The following SH3YL1 variants were observed in gnomAD, a reference collection of about 807,000 sequenced individuals.
The protein encoded by SH3YL1 is SH3 domain-containing YSC84-like protein 1.
SH3YL1 carries 41 observed loss-of-function variants against 45.8 expected under a neutral mutation model. The observed-to-expected ratio is 0.89, with a 90% CI of 0.70 to 1.16. The LOEUF (loss-of-function observed/expected upper bound fraction) is 1.16, where lower values mean the gene tolerates loss of function less well. Among genes scored for constraint, SH3YL1 ranks in the 50% most tolerant of loss-of-function variants. The probability of loss-of-function intolerance (pLI) is 0.00; values close to 1 mark genes in which losing one functional copy is unlikely to be tolerated. For missense variants in SH3YL1, 389 were observed against 409.6 expected, an observed-to-expected ratio of 0.95 and a Z score of 0.43; for synonymous variants, 152 against 151.4, an observed-to-expected ratio of 1.00 and a Z score of -0.03.
chr2:264,299 T>A (rs1669746837), upstream of SH3YL1: 2 of 341,936 alleles, frequency 5.8e-6, no homozygotes, highest in African/African-American at 2.1e-5. Context: ...AAGGCCGCCC[T>A]GGTCCGGCGT....
intron 7 of SH3YL1, chr2:230,673 A>T: frequency 3.4e-6 from 1 of 293,518 alleles, no homozygotes; most frequent in Non-Finnish European, 6.5e-6. Flanking sequence ...TGCCCAGCTA[A>T]TGTTTCTATT....
At position 218,970 on chromosome 2, in the gene SH3YL1, C is replaced by T. The variant is rs1319610599; in HGVS notation, c.870G>A (p.Ala290=). The change falls in exon 10 of 10, where the codon GCG becomes GCA. Residue 290 remains alanine (A), a synonymous_variant. Coordinates refer to ENST00000356150, the MANE Select transcript of SH3YL1 (RefSeq NM_015677.4). The part of the protein sequence containing the change: ...GNLNQPIEVT[A]LYSFEGQQPG... ...GCTGCTGTCCTTCAAATGAATACAG[C>T]GCTGTCACTTCTATGGGTTGATTCA... The T allele has an allele frequency of 3.1e-6, 5 of 1,613,092 alleles. No individual in the cohort carries two copies. Among genetic ancestry groups the T allele is most frequent in the East Asian group, 2.2e-5 (1 of 44,840 alleles).
chr2:223,901 C>T (rs1049560468), intron 9 of SH3YL1, among the ~76,000 whole-genome samples: 1 of 152,186 alleles, frequency 6.6e-6, no homozygotes, highest in Middle Eastern at 3.4e-3. Flanking sequence ...GAAGGGGAGG[C>T]CAGGGTGAAA....
In SH3YL1 at chr2:243,703, C is replaced by T. The variant is rs550826937; in HGVS notation, c.291+3835G>A. 4.7e-5 allele frequency: 43 copies of T among 918,734 alleles called. No individual in the cohort carries two copies. In the South Asian group the frequency reaches 7.2e-4, roughly 15 times the overall value. The allele number at this position is 918,734 out of a possible 1,614,324, so 56.9% of individuals were successfully genotyped here. A position where few individuals can be genotyped will look rare whatever the true frequency, so the allele number is the denominator to read the frequency against. On this transcript the variant is annotated intron_variant, in intron 4 of 9. Transcript: ENST00000356150. ...CCCTTAGTACCTTAAGTTTCTTCCCCGGAAGAACATTTGCTCAGTATATCA... is the reference window on the plus strand; with the variant it reads ...CCCTTAGTACCTTAAGTTTCTTCCCTGGAAGAACATTTGCTCAGTATATCA...
intron 6 of SH3YL1, among the ~76,000 whole-genome samples, chr2:231,539 T>C (rs899631200): frequency 1.3e-5 from 2 of 152,226 alleles, no homozygotes. Context: ...AGCACATACA[T>C]TTTTATAGGT....
chr2:252,265 G>A (rs1669101108), intron 2 of SH3YL1, among the ~76,000 whole-genome samples: 1 of 152,234 alleles, frequency 6.6e-6, no homozygotes, highest in Admixed American at 6.5e-5. Context: ...TAAACCGCTA[G>A]AGAATGTAAA....
chr2:232,169 TGGGAA>T (rs1668076504), intron 6 of SH3YL1, among the ~76,000 whole-genome samples: 1 of 152,184 alleles, frequency 6.6e-6, no homozygotes, highest in Admixed American at 6.5e-5. Context: ...TTTGCATCTT[TGGGAA>T]AAATCAGCCA....
intron 5 of SH3YL1, 73 bp from the exon 6 acceptor site, chr2:233,302 T>C (rs1381588636): frequency 1.5e-6 from 2 of 1,340,368 alleles, no homozygotes; most frequent in Non-Finnish European, 2.0e-6. Flanking sequence ...TAAATAGCAC[T>C]CCTTCTAGCT....
intron 8 of SH3YL1, among the ~76,000 whole-genome samples, chr2:226,063 A>G (rs1371572886): frequency 6.6e-6 from 1 of 152,186 alleles, no homozygotes; most frequent in African/African-American, 2.4e-5. Flanking sequence ...AATTATGTGA[A>G]GACTAAGTAT....
chr2:218,703 T>G lies in SH3YL1; in HGVS notation c.*108A>C. 1 of 959,828 alleles carries G rather than the reference T, an allele frequency of 1.0e-6. No homozygotes were observed. Among genetic ancestry groups the G allele is most frequent in the East Asian group, 2.7e-5 (1 of 37,214 alleles). The allele number at this position is 959,828 out of a possible 1,614,324, so 59.5% of individuals were successfully genotyped here. On this transcript the variant is annotated 3_prime_UTR_variant, in exon 10 of 10. Coordinates refer to ENST00000356150, the MANE Select transcript of SH3YL1 (RefSeq NM_015677.4). ...TTTTACATACGGAATGGAAATTTTG[T>G]AGAACAGAAGTTTTTTAAAATTTAT...
intron 1 of SH3YL1, chr2:259,593 G>A (rs1669502059): frequency 6.6e-6 from 1 of 151,786 alleles, no homozygotes; most frequent in Admixed American, 6.6e-5. Context: ...TGACAGCCCA[G>A]CCTTGACAGA....
intron 9 of SH3YL1, among the ~76,000 whole-genome samples, chr2:223,990 C>T (rs1265123633): frequency 6.6e-6 from 1 of 152,222 alleles, no homozygotes; most frequent in African/African-American, 2.4e-5. Flanking sequence ...ACCTTTTCAA[C>T]ATATTTTTAT....
chr2:245,416 AAAT>A (rs1187086068), intron 4 of SH3YL1, among the ~76,000 whole-genome samples: 1 of 152,254 alleles, frequency 6.6e-6, no homozygotes, highest in Non-Finnish European at 1.5e-5. Context: ...TGGCAAGCCT[AAAT>A]AAGCTGCAAA....
At chr2:262,693 AT>A in intron 1 of SH3YL1, 5 of 1,301,276 alleles carry the variant, frequency 3.8e-6, no homozygotes, top group Non-Finnish European at 5.1e-6. Context: ...GGTAGCAGTT[AT>A]TTCCCTTTGA....
At chr2:243,346 G>T (rs1002002254) in intron 4 of SH3YL1, among the ~76,000 whole-genome samples, 1 of 152,130 alleles carries the variant, frequency 6.6e-6, no homozygotes, top group African/African-American at 2.4e-5. Flanking sequence ...GACCCCAATG[G>T]AATGAAATTT....
chr2:256,484 G>C (rs1669338602), intron 1 of SH3YL1: 1 of 152,174 alleles, frequency 6.6e-6, no homozygotes, highest in Non-Finnish European at 1.5e-5. Flanking sequence ...CTGAGGTCAG[G>C]AGTTCAAGAC....
chr2:247,677 T>C (rs1233099719), intron 3 of SH3YL1, 75 bp from the exon 4 acceptor site: 19 of 1,152,062 alleles, frequency 1.6e-5, no homozygotes, highest in Non-Finnish European at 2.5e-6. Flanking sequence ...GGAAAAATGC[T>C]AAAATCTAAA....
At chr2:262,820 T>C in intron 1 of SH3YL1, 1 of 738,184 alleles carries the variant, frequency 1.4e-6, no homozygotes, top group Non-Finnish European at 1.9e-6. Context: ...TCACTTTTGA[T>C]GAGCAAACAT....
At position 218,888 on chromosome 2, in the gene SH3YL1, A is replaced by C; in HGVS notation, c.952T>G (p.Ser318Ala). Residue 318 changes from serine to alanine, a missense_variant, in exon 10 of 10, where the codon TCA becomes GCA. Coordinates refer to ENST00000356150, the MANE Select transcript of SH3YL1 (RefSeq NM_015677.4). ...TTTCCTTCCCACCAATCAAAATGTGAATCTGTTTTTGATATAACTGTGATT... is the reference window on the plus strand; with the variant it reads ...TTTCCTTCCCACCAATCAAAATGTGCATCTGTTTTTGATATAACTGTGATT... Reference protein sequence around the residue: ...DRITVISKTDSHFDWWEGKLR... With the variant: ...DRITVISKTDAHFDWWEGKLR... 1 of 1,614,126 alleles carries C rather than the reference A, an allele frequency of 6.2e-7. No individual in the cohort carries two copies. The highest frequency in any genetic ancestry group is 1.1e-5 in the South Asian group (1 of 91,066).
Sources: gnomAD v4.1 joint callset for allele counts (sites outside exome capture counted in the v4.1 genomes callset) on GRCh38, gnomAD v4.1.1 for gene constraint, MANE v1.5 for transcripts, NCBI Gene and HGNC (gene_info 2026-07-23, HGNC 2026-07-21) for gene names.